The following CASQ2 variants were observed in gnomAD, a reference collection of about 807,000 sequenced individuals.
CASQ2 encodes the protein calsequestrin 2.
A neutral mutation model predicts 46.5 loss-of-function variants in CASQ2; 49 were observed. The ratio of observed to expected loss-of-function variants is 1.05; its 90% CI spans 0.84 to 1.34. The LOEUF is 1.34. CASQ2 is among the 40% of genes most tolerant of loss of function. CASQ2 has a pLI of 0.00. For missense variants in CASQ2, 486 were observed against 481.3 expected (o/e 1.01, Z -0.09); for synonymous variants, 174 against 168.5 (o/e 1.03, Z -0.25).
intron 3 of CASQ2, among the ~76,000 whole-genome samples, chr1:115,740,466 T>C (rs1171230166): frequency 2.0e-5 from 3 of 152,182 alleles, no homozygotes; most frequent in African/African-American, 4.8e-5. Context: ...GAGATTTCAA[T>C]AGACGTCTAT....
rs200673934 is a variant in CASQ2, at chr1:115,742,785, T to TGTTG, written c.320-1958_320-1957insCAAC. 4.6e-4 allele frequency among the ~76,000 whole-genome samples: 70 copies of TGTTG among 151,970 alleles called. No homozygotes were observed. The East Asian group carries it at 0.013, about 28-fold the overall frequency. On this transcript the variant is annotated intron_variant, in intron 2 of 10. Transcript: ENST00000261448. ...TCATTAAACTGTTTGTTTGTTTGTT[T>TGTTG]GTTTGTTTGTTTGTTTGTTTTGAGA...
rs1553195216 is a variant in CASQ2, at chr1:115,739,124, C to CTTTCTTTTTTTTTTTTTTT, written c.421-790_421-789insAAAAAAAAAAAAAAAGAAA. Among the ~76,000 whole-genome samples, 3 of 99,584 alleles carry CTTTCTTTTTTTTTTTTTTT rather than the reference C, an allele frequency of 3.0e-5. No homozygotes were observed. In the East Asian group the frequency reaches 1.0e-3, roughly 34 times the overall value. 65.3% of individuals were successfully genotyped at this position (99,584 alleles called of 152,430 possible). ...ATGTATAGCACATTTTCTTTTCTTTCTTTTTGAGATGGAGTCATGCTGTGT... is the reference window on the plus strand; with the variant it reads ...ATGTATAGCACATTTTCTTTTCTTTCTTTCTTTTTTTTTTTTTTTTTTTTGAGATGGAGTCATGCTGTGT... On this transcript the variant is annotated intron_variant, in intron 3 of 10. Coordinates refer to ENST00000261448, the MANE Select transcript of CASQ2 (RefSeq NM_001232.4).
At chr1:115,709,759 TTATCC>T (rs771282482) in intron 8 of CASQ2, among the ~76,000 whole-genome samples, 1 of 152,232 alleles carries the variant, frequency 6.6e-6, no homozygotes, top group Non-Finnish European at 1.5e-5. Flanking sequence ...GCCAAGAATC[TTATCC>T]TTGCATCCAA....
intron 8 of CASQ2, among the ~76,000 whole-genome samples, chr1:115,706,366 T>C (rs1476950898): frequency 1.3e-5 from 2 of 152,086 alleles, no homozygotes; most frequent in Non-Finnish European, 2.9e-5. Flanking sequence ...GAGAACCCCC[T>C]AGTATAGGAG....
In CASQ2 at chr1:115,701,057, C is replaced by A. The variant is rs1654187713; in HGVS notation, c.*184G>T. 1.9e-5 allele frequency: 16 copies of A among 835,664 alleles called. No individual in the cohort carries two copies. Among genetic ancestry groups the A allele is most frequent in the Non-Finnish European group, 2.6e-5 (13 of 496,156 alleles). 51.8% of individuals were successfully genotyped at this position (835,664 alleles called of 1,614,324 possible). On this transcript the variant is annotated 3_prime_UTR_variant, in exon 11 of 11. Transcript: ENST00000261448. ...CTCCTGTCCCTGCTAAGTGGGATTG[C>A]TGCATTTGAAAAGGCATTTGCTGAA...
At chr1:115,740,208 TATA>T (rs1045635389) in intron 3 of CASQ2, among the ~76,000 whole-genome samples, 7 of 152,348 alleles carry the variant, frequency 4.6e-5, no homozygotes, top group African/African-American at 1.7e-4. Flanking sequence ...GAAATATTTT[TATA>T]ATGTTTGTTC....
At chr1:115,724,955 C>T (rs1647525455) in intron 7 of CASQ2, among the ~76,000 whole-genome samples, 1 of 152,202 alleles carries the variant, frequency 6.6e-6, no homozygotes, top group Admixed American at 6.5e-5. Flanking sequence ...ATAGTCACTG[C>T]AGGAAATTAA....
chr1:115,711,302 C>T (rs751480182), intron 8 of CASQ2, among the ~76,000 whole-genome samples: 13 of 152,268 alleles, frequency 8.5e-5, no homozygotes, highest in East Asian at 1.9e-4. Context: ...GACAGATAAA[C>T]GGCCGGGGCT....
chr1:115,761,470 A>AAGAAGG (rs1648947709), intron 1 of CASQ2, among the ~76,000 whole-genome samples: 1 of 6,312 alleles, frequency 1.6e-4, no homozygotes, highest in African/African-American at 4.1e-4. Context: ...GAAGGAGAAG[A>AAGAAGG]AGAAGAAGAA....
intron 7 of CASQ2, among the ~76,000 whole-genome samples, chr1:115,720,681 G>A (rs778570355): frequency 6.6e-6 from 1 of 152,170 alleles, no homozygotes; most frequent in Non-Finnish European, 1.5e-5. Flanking sequence ...TGGGAATAAC[G>A]TCAGTGAATC....
rs762381137 is a variant in CASQ2 at position 115,717,869 on chromosome 1, A to T, written c.809T>A (p.Ile270Asn). The change falls in exon 8 of 11, where the codon ATT becomes AAT. Residue 270 changes from isoleucine to asparagine, a missense_variant. By Grantham distance (149) the Ile-to-Asn change is moderately radical. Coordinates refer to ENST00000261448, the MANE Select transcript of CASQ2 (RefSeq NM_001232.4). ...TWEDDLNGIH[I>N]VAFAEKSDPD... ...ATCACTCTTCTCTGCAAAGGCCACA[A>T]TGTGGATCCCATTCAAATCATCTTC... is the stretch of plus-strand genomic sequence containing the variant. 2 of 1,611,474 alleles carry T rather than the reference A, an allele frequency of 1.2e-6. No individual in the cohort carries two copies. Among genetic ancestry groups the T allele is most frequent in the Non-Finnish European group, 1.7e-6 (2 of 1,177,576 alleles).
chr1:115,729,101 G>A (rs1351478562), intron 5 of CASQ2, among the ~76,000 whole-genome samples: 5 of 143,010 alleles, frequency 3.5e-5, no homozygotes, highest in Non-Finnish European at 7.5e-5. Flanking sequence ...CCAGGCTGGG[G>A]TTCAATGGCA....
chr1:115,737,025 C>G (rs1446784944), intron 4 of CASQ2, among the ~76,000 whole-genome samples: 7 of 152,078 alleles, frequency 4.6e-5, no homozygotes, highest in African/African-American at 1.7e-4. Context: ...CTCTTATCTG[C>G]CATCCTGAGC....
At chr1:115,748,023 T>G (rs1648446614) in intron 1 of CASQ2, among the ~76,000 whole-genome samples, 1 of 152,224 alleles carries the variant, frequency 6.6e-6, no homozygotes, top group Non-Finnish European at 1.5e-5. Context: ...TTAAATTTTT[T>G]GTTTCTTTCC....
chr1:115,754,180 C>A (rs1648677480), intron 1 of CASQ2, among the ~76,000 whole-genome samples: 1 of 152,140 alleles, frequency 6.6e-6, no homozygotes, highest in African/African-American at 2.4e-5. Flanking sequence ...TATAGCTGGG[C>A]AGTTGGCATG....
chr1:115,740,745 C>T lies in CASQ2; in HGVS notation c.403G>A (p.Val135Met), dbSNP rs1371033125. The change falls in exon 3 of 11, where the codon GTG becomes ATG. Residue 135 changes from valine to methionine, a missense_variant. Val to Met is a conservative substitution (Grantham distance 21). Transcript: ENST00000261448. ...ATACTTACATCCAAGAGGAACTCCA[C>T]CAAGACATCAGCTGCAAACTCGCCA... is the stretch of plus-strand genomic sequence containing the variant. ...FDGEFAADVL[V>M]EFLLDLIEDP... is the part of the protein sequence containing the mutation. 3 of 1,611,148 alleles carry T rather than the reference C, an allele frequency of 1.9e-6. No homozygotes were observed. Among genetic ancestry groups the T allele is most frequent in the Non-Finnish European group, 2.5e-6 (3 of 1,177,378 alleles).
chr1:115,718,778 T>C (rs531349037), intron 7 of CASQ2, among the ~76,000 whole-genome samples: 127 of 152,334 alleles, frequency 8.3e-4, no homozygotes, highest in Non-Finnish European at 1.3e-3. Flanking sequence ...CTCTACACCC[T>C]GGGCAGCAAG....
chr1:115,761,439 A>AAG (rs796782557), intron 1 of CASQ2, among the ~76,000 whole-genome samples: 283 of 5,456 alleles, frequency 0.052, 47 homozygotes, highest in East Asian at 0.066. Flanking sequence ...GAAGAAGAAG[A>AAG]AAGAAGAAGA....
chr1:115,716,160 A>G (rs1654694593), intron 8 of CASQ2, among the ~76,000 whole-genome samples: 1 of 152,224 alleles, frequency 6.6e-6, no homozygotes, highest in Admixed American at 6.5e-5. Context: ...AATGCACTTC[A>G]GAATCTGTGC....
Sources: allele counts gnomAD v4.1 joint callset (sites outside exome capture counted in the v4.1 genomes callset), GRCh38; gene constraint gnomAD v4.1.1; transcripts MANE v1.5; gene names NCBI Gene and HGNC (gene_info 2026-07-23, HGNC 2026-07-21).